COL2A1: variants seen among roughly 807,000 people sequenced by gnomAD.
COL2A1 encodes collagen type II alpha 1 chain, also known as collagen alpha-1(II) chain.
COL2A1 carries 28 observed loss-of-function variants against 204.5 expected under a neutral mutation model. The ratio of observed to expected loss-of-function variants is 0.14; its 90% CI spans 0.10 to 0.19. COL2A1 has a LOEUF of 0.19. Ranked by LOEUF, COL2A1 falls within the 10% of genes least tolerant of loss-of-function variation. COL2A1 has a pLI of 1.00. For missense variants in COL2A1, 1,388 were observed against 2,027.5 expected (o/e 0.68, Z 6.06); for synonymous variants, 708 against 718.7 (o/e 0.99, Z 0.24).
chr12:47,987,814 T>C lies in COL2A1; in HGVS notation c.1123-105A>G. On this transcript the variant is annotated intron_variant, in intron 18 of 53. Transcript: ENST00000380518. The surrounding 1 kb of genome is among the most constrained non-coding windows in gnomAD (Gnocchi z 4.1). ...CAGCTGCAAGCACAGCACTAAATTATGCACATGCACCCAACCCTGCACATG... is the reference window on the plus strand; with the variant it reads ...CAGCTGCAAGCACAGCACTAAATTACGCACATGCACCCAACCCTGCACATG... 2 of 824,450 alleles carry C rather than the reference T, an allele frequency of 2.4e-6. No individual in the cohort carries two copies. Among genetic ancestry groups the C allele is most frequent in the South Asian group, 2.9e-5 (2 of 69,832 alleles). 51.1% of individuals were successfully genotyped at this position (824,450 alleles called of 1,614,324 possible).
chr12:48,000,927 G>A (rs1247960523), intron 1 of COL2A1: 1 of 152,334 alleles, frequency 6.6e-6, no homozygotes, highest in Non-Finnish European at 1.5e-5. Context: ...TGCCTGGAGA[G>A]GCCCTGCCTC....
At chr12:47,981,305 C>A (rs1312990536) in intron 37 of COL2A1, 38 bp downstream of exon 37, 2 of 1,604,598 alleles carry the variant, frequency 1.2e-6, no homozygotes, top group African/African-American at 2.7e-5. Flanking sequence ...TTCCCAGGGG[C>A]CTCGGGCAGA....
At position 47,985,061 on chromosome 12, in the gene COL2A1, A is replaced by C. The variant is rs761503045; in HGVS notation, c.1767T>G (p.Pro589=). ...GCCCACGAGCCCCCTGAGGACCTGG[A>C]GGTCCAGGACGACCATCTTCACCAG... ...GAPGEDGRPG[P]PGPQGARGQP... The change falls in exon 27 of 54, where the codon CCT becomes CCG. Residue 589 remains proline, a synonymous_variant. Transcript: ENST00000380518. 7 of 1,613,878 alleles carry C rather than the reference A, an allele frequency of 4.3e-6. No individual in the cohort carries two copies. The highest frequency in any genetic ancestry group is 5.1e-6 in the Non-Finnish European group (6 of 1,179,950).
rs1375288731 is a variant in COL2A1 at position 47,995,327 on chromosome 12, A to G, written c.709-19T>C. On this transcript the variant is annotated intron_variant, in intron 10 of 53. Transcript: ENST00000380518. ...TGGGACCCTACAAACAAAGGAAGAT[A>G]GTTTAAGAGATGGTTATAGTGGGAA... 6.2e-7 allele frequency: 1 copy of G among 1,607,600 alleles called. No individual in the cohort carries two copies. Among genetic ancestry groups the G allele is most frequent in the East Asian group, 2.2e-5 (1 of 44,862 alleles).
chr12:47,998,738 C>A, intron 2 of COL2A1: 1 of 365,282 alleles, frequency 2.7e-6, no homozygotes. Context: ...TCTAATCAGC[C>A]ACAAGAAGGA....
chr12:48,003,007 C>G (rs572157823), intron 1 of COL2A1: 1 of 152,346 alleles, frequency 6.6e-6, no homozygotes, highest in East Asian at 1.9e-4. Context: ...TTATTCCCCC[C>G]GCCGAAGAGT....
intron 1 of COL2A1, among the ~76,000 whole-genome samples, chr12:48,003,915 A>G (rs936997451): frequency 1.3e-5 from 2 of 152,212 alleles, no homozygotes; most frequent in African/African-American, 2.4e-5. Flanking sequence ...TAATTATCAA[A>G]GCTGGTGGAA....
chr12:47,999,866 C>T (rs930485239), intron 2 of COL2A1, 53 bp downstream of exon 2: 6 of 1,492,362 alleles, frequency 4.0e-6, no homozygotes, highest in South Asian at 1.1e-5. Flanking sequence ...AGCGTGTTTG[C>T]AGTGCTTGCA....
chr12:48,003,329 GCA>G (rs144822022), intron 1 of COL2A1, among the ~76,000 whole-genome samples: 1 of 150,204 alleles, frequency 6.7e-6, no homozygotes, highest in Non-Finnish European at 1.5e-5. Flanking sequence ...ACACACACAC[GCA>G]CACACACACA....
intron 4 of COL2A1, 39 bp downstream of exon 4, chr12:47,998,130 C>T (rs756136429): frequency 1.9e-6 from 3 of 1,614,172 alleles, no homozygotes; most frequent in Non-Finnish European, 2.5e-6. Context: ...CCATTTAGAG[C>T]AGCAGCTGCA....
At chr12:47,994,284 C>T in intron 12 of COL2A1, 140 bp downstream of exon 12, 1 of 1,037,832 alleles carries the variant, frequency 9.6e-7, no homozygotes, top group Non-Finnish European at 1.5e-6. Context: ...GTGGAAATTA[C>T]AAACATGGTC....
Position 47,980,547 on chromosome 12 carries a change from T to C in COL2A1, c.2625+7A>G, listed in dbSNP as rs1186776888. On this transcript the variant is annotated splice_region_variant and intron_variant, in intron 39 of 53. Transcript: ENST00000380518. The surrounding 1 kb of genome is among the most constrained non-coding windows in gnomAD (Gnocchi z 4.5). ...GGGAACAATTCTTGGAGTGCAGCGT[T>C]ACCCACCTGAGGCCCAGGTGCTCCA... 1.3e-6 allele frequency: 2 copies of C among 1,599,174 alleles called. No homozygotes were observed. The highest frequency in any genetic ancestry group is 1.1e-5 in the South Asian group (1 of 88,492).
Position 47,981,331 on chromosome 12 carries a change from G to T in COL2A1, c.2463+12C>A, listed in dbSNP as rs1208269606. ...CTCGGGCAGAGCCAGGCTCAGAGGG[G>T]CAGACACTCACCGGAGCGCCACGAG... is the stretch of plus-strand genomic sequence containing the variant. On this transcript the variant is annotated intron_variant, in intron 37 of 53. Transcript: ENST00000380518. The T allele has an allele frequency of 6.2e-7, 1 of 1,612,060 alleles. No homozygotes were observed. Among genetic ancestry groups the T allele is most frequent in the Non-Finnish European group, 8.5e-7 (1 of 1,179,626 alleles).
In COL2A1 at chr12:47,980,796, C is replaced by T. The variant is rs1035146739; in HGVS notation, c.2517+119G>A. 1.7e-5 allele frequency: 24 copies of T among 1,402,438 alleles called. No individual in the cohort carries two copies. The highest frequency in any genetic ancestry group is 7.4e-5 in the South Asian group (6 of 81,098). The allele number at this position is 1,402,438 out of a possible 1,614,324, so 86.9% of individuals were successfully genotyped here. A position where few individuals can be genotyped will look rare whatever the true frequency, so the allele number is the denominator to read the frequency against. ...CATGATGGTTCTATTAGTATGGAGG[C>T]GGGAAAGGAGAGGAGAGGAGCATCC... On this transcript the variant is annotated intron_variant, in intron 38 of 53. Coordinates refer to ENST00000380518, the MANE Select transcript of COL2A1 (RefSeq NM_001844.5). The surrounding 1 kb of genome is among the most constrained non-coding windows in gnomAD (Gnocchi z 4.5).
At position 47,987,431 on chromosome 12, in the gene COL2A1, A is replaced by T; in HGVS notation, c.1222-118T>A. ...TGCTGTCCATTTCAGGGACATTCCC[A>T]CTATGTGTTTCAAGGGGAAGATGGG... On this transcript the variant is annotated intron_variant, in intron 19 of 53. Transcript: ENST00000380518. The surrounding 1 kb of genome is among the most constrained non-coding windows in gnomAD (Gnocchi z 4.1). 1 of 1,181,324 alleles carries T rather than the reference A, an allele frequency of 8.5e-7. No individual in the cohort carries two copies. The highest frequency in any genetic ancestry group is 1.2e-6 in the Non-Finnish European group (1 of 803,288). 73.2% of individuals were successfully genotyped at this position (1,181,324 alleles called of 1,614,324 possible). A position where few individuals can be genotyped will look rare whatever the true frequency, so the allele number is the denominator to read the frequency against.
chr12:47,981,224 G>A lies in COL2A1; in HGVS notation c.2463+119C>T, dbSNP rs1939062035. ...ACCCTAGACCCAGCGGGTAGGGAGG[G>A]AGCCAGTGCCTGGCAGCACACAGGG... On this transcript the variant is annotated intron_variant, in intron 37 of 53. Coordinates refer to ENST00000380518, the MANE Select transcript of COL2A1 (RefSeq NM_001844.5). 3.5e-6 allele frequency: 4 copies of A among 1,142,904 alleles called. No homozygotes were observed. In the African/African-American group the frequency reaches 6.1e-5, roughly 17 times the overall value. 70.8% of individuals were successfully genotyped at this position (1,142,904 alleles called of 1,614,324 possible).
chr12:47,993,183 C>A (rs1939786206), intron 15 of COL2A1, among the ~76,000 whole-genome samples: 1 of 152,228 alleles, frequency 6.6e-6, no homozygotes, highest in South Asian at 2.1e-4. Flanking sequence ...GTTACAAGCA[C>A]ACCTTGCTCC....
chr12:47,995,198 C>A, intron 11 of COL2A1, 57 bp downstream of exon 11: 1 of 1,490,142 alleles, frequency 6.7e-7, no homozygotes, highest in Non-Finnish European at 9.4e-7. Context: ...AGCACACACC[C>A]TCTCCAGGCC....
chr12:47,987,012 A>T lies in COL2A1; in HGVS notation c.1365+66T>A. ...GAGGCCAGGGCAGGAGAGCATGGGA[A>T]AGAGGGGTGATGGGGTTTGACTCCA... On this transcript the variant is annotated intron_variant, in intron 21 of 53. Transcript: ENST00000380518. The surrounding 1 kb of genome is among the most constrained non-coding windows in gnomAD (Gnocchi z 4.1). The T allele has an allele frequency of 1.3e-6, 2 of 1,583,308 alleles. No individual in the cohort carries two copies. The highest frequency in any genetic ancestry group is 3.3e-5 in the Admixed American group (2 of 59,984).
Sources: gnomAD v4.1 joint callset for allele counts (sites outside exome capture counted in the v4.1 genomes callset) on GRCh38, gnomAD v4.1.1 for gene constraint, Gnocchi (gnomAD v3.1) non-coding constraint, MANE v1.5 for transcripts, NCBI Gene and HGNC (gene_info 2026-07-23, HGNC 2026-07-21) for gene names.